CALN1: variants seen among roughly 807,000 people sequenced by gnomAD.
The protein encoded by CALN1 is calneuron 1.
Under a neutral mutation model 30.6 loss-of-function variants are expected in CALN1, and 17 were observed. The observed-to-expected ratio is 0.56, with a 90% confidence interval of 0.38 to 0.83. The LOEUF is 0.83. Among genes scored for constraint, CALN1 ranks in the 40% least tolerant of loss-of-function variants. The pLI is 0.00. For missense variants in CALN1, 291 were observed against 354.9 expected (o/e 0.82, Z 1.45); for synonymous variants, 156 against 131.4 (o/e 1.19, Z -1.28).
intron 2 of CALN1, among the ~76,000 whole-genome samples, chr7:72,304,617 T>C (rs1187671733): frequency 6.6e-6 from 1 of 152,204 alleles, no homozygotes; most frequent in Non-Finnish European, 1.5e-5. Context: ...CAGCGTCTCT[T>C]TTACGTCTAT....
intron 3 of CALN1, among the ~76,000 whole-genome samples, chr7:72,196,194 TGTGACCTCTGCCTC>T (rs1287354828): frequency 6.6e-6 from 1 of 152,060 alleles, no homozygotes; most frequent in African/African-American, 2.4e-5. Flanking sequence ...CTCGGCTCAC[TGTGACCTCTGCCTC>T]GTGGACTCAA....
chr7:72,473,491 T>C, the CALN1 span, among the ~76,000 whole-genome samples: 1 of 152,274 alleles, frequency 6.6e-6, no homozygotes, highest in East Asian at 1.9e-4. Flanking sequence ...GATATCACCA[T>C]CGAAGTATAA....
At chr7:71,810,261 C>T (rs1176281326) in intron 6 of CALN1, 75 bp downstream of exon 6, 60 of 1,484,742 alleles carry the variant, frequency 4.0e-5, no homozygotes, top group Middle Eastern at 2.3e-4. Context: ...TGTGTGTGAA[C>T]GCATTTTTCA....
In CALN1 at chr7:72,412,264, G is replaced by C. The variant is rs180823825; in HGVS notation, c.-280C>G. On this transcript the variant is annotated 5_prime_UTR_variant, in exon 1 of 7. Transcript: ENST00000395275. Reference sequence around the variant, plus strand: ...GCTTTAAAGGTGGCGCGGACCCAGAGTAAGCAGTAAGCTTTATTAAGAAGC... The same window carrying C: ...GCTTTAAAGGTGGCGCGGACCCAGACTAAGCAGTAAGCTTTATTAAGAAGC... The C allele has an allele frequency of 2.0e-5, 3 of 152,294 alleles. No homozygotes were observed. Among genetic ancestry groups the C allele is most frequent in the African/African-American group, 2.4e-5 (1 of 41,552 alleles). The allele number at this position is 152,294 out of a possible 1,614,324, so 9.4% of individuals were successfully genotyped here.
intron 5 of CALN1, among the ~76,000 whole-genome samples, chr7:71,913,451 C>T (rs1175298580): frequency 6.6e-6 from 1 of 152,190 alleles, no homozygotes; most frequent in East Asian, 1.9e-4. Flanking sequence ...ATTGTAGGTA[C>T]TAACTATAGA....
intron 3 of CALN1, among the ~76,000 whole-genome samples, chr7:72,237,135 C>T (rs540441752): frequency 4.6e-5 from 7 of 152,188 alleles, no homozygotes; most frequent in Non-Finnish European, 7.4e-5. Flanking sequence ...CAGGCATGTG[C>T]CACCACACCT....
intron 2 of CALN1, among the ~76,000 whole-genome samples, chr7:72,304,595 G>A (rs563267545): frequency 2.2e-4 from 34 of 152,206 alleles, no homozygotes; most frequent in Non-Finnish European, 4.4e-4. Flanking sequence ...GACATGGGGG[G>A]GGTATAGCTG....
chr7:72,320,353 G>T (rs1388819732), intron 2 of CALN1, among the ~76,000 whole-genome samples: 2 of 152,142 alleles, frequency 1.3e-5, no homozygotes, highest in Non-Finnish European at 2.9e-5. Flanking sequence ...CGAGCCTGAA[G>T]TGCGGGAGGA....
chr7:72,061,334 G>C (rs1273531787), intron 4 of CALN1, among the ~76,000 whole-genome samples: 1 of 152,136 alleles, frequency 6.6e-6, no homozygotes, highest in Non-Finnish European at 1.5e-5. Flanking sequence ...ATCTGAAAAA[G>C]ATGTTAATGA....
At chr7:71,987,985 C>G (rs558172312) in intron 5 of CALN1, among the ~76,000 whole-genome samples, 1 of 152,226 alleles carries the variant, frequency 6.6e-6, no homozygotes, top group East Asian at 1.9e-4. Flanking sequence ...GAAGGGAGGC[C>G]GTGTCAGTCA....
At chr7:71,939,280 G>A (rs1363195541) in intron 5 of CALN1, among the ~76,000 whole-genome samples, 2 of 151,868 alleles carry the variant, frequency 1.3e-5, no homozygotes, top group African/African-American at 2.4e-5. Context: ...GGATGTGGCC[G>A]GGCGTGGTGG....
At chr7:72,472,082 C>T in the CALN1 span, among the ~76,000 whole-genome samples, 3 of 152,128 alleles carry the variant, frequency 2.0e-5, no homozygotes, top group Non-Finnish European at 4.4e-5. Context: ...AGATGTGAGC[C>T]ACTGCGCCCA....
intron 6 of CALN1, among the ~76,000 whole-genome samples, chr7:71,799,941 C>T (rs1787205631): frequency 6.6e-6 from 1 of 152,232 alleles, no homozygotes; most frequent in South Asian, 2.1e-4. Context: ...CCTCCTATGT[C>T]TACCCAAGGA....
At chr7:72,404,231 C>T (rs1023192470) in intron 1 of CALN1, among the ~76,000 whole-genome samples, 3 of 152,196 alleles carry the variant, frequency 2.0e-5, no homozygotes, top group African/African-American at 7.2e-5. Context: ...TGTCCACAAT[C>T]TCCATCCCCT....
intron 5 of CALN1, among the ~76,000 whole-genome samples, chr7:71,996,242 G>A (rs1799245957): frequency 6.6e-6 from 1 of 152,114 alleles, no homozygotes; most frequent in African/African-American, 2.4e-5. Flanking sequence ...AGTCCATGAA[G>A]CTACCAGATG....
At chr7:71,853,031 A>G (rs756609773) in intron 5 of CALN1, among the ~76,000 whole-genome samples, 1 of 151,540 alleles carries the variant, frequency 6.6e-6, no homozygotes, top group African/African-American at 2.4e-5. Flanking sequence ...GCCTTTTCCT[A>G]TTCTTAGTGG....
Position 71,811,898 on chromosome 7 carries a change from C to T in CALN1, c.502-1406G>A, listed in dbSNP as rs974413426. Reference sequence around the variant, plus strand: ...TTCGCCATGTTGGTCAAGCTGGTCTCGAACTCCTGACCTCAGGTGATCCAC... The same window carrying T: ...TTCGCCATGTTGGTCAAGCTGGTCTTGAACTCCTGACCTCAGGTGATCCAC... On this transcript the variant is annotated intron_variant, in intron 5 of 6. Transcript: ENST00000395275. 2.6e-5 allele frequency among the ~76,000 whole-genome samples: 4 copies of T among 151,372 alleles called. No homozygotes were observed. In the East Asian group the frequency reaches 7.9e-4, roughly 30 times the overall value.
intron 3 of CALN1, among the ~76,000 whole-genome samples, chr7:72,152,893 T>C (rs891574371): frequency 2.0e-5 from 3 of 151,986 alleles, no homozygotes; most frequent in African/African-American, 7.3e-5. Flanking sequence ...CAACTCCAAA[T>C]AAGGCACTGT....
At chr7:72,259,023 G>A (rs911741041) in intron 3 of CALN1, among the ~76,000 whole-genome samples, 7 of 151,920 alleles carry the variant, frequency 4.6e-5, no homozygotes, top group Non-Finnish European at 7.4e-5. Flanking sequence ...GGAGGTTGCA[G>A]TGAGCCAAGA....
Sources: gnomAD v4.1 joint callset for allele counts (sites outside exome capture counted in the v4.1 genomes callset) on GRCh38, gnomAD v4.1.1 for gene constraint, MANE v1.5 for transcripts, NCBI Gene and HGNC (gene_info 2026-07-23, HGNC 2026-07-21) for gene names.